Variants in CNBD1 observed in about 807,000 individuals in gnomAD.
The protein encoded by CNBD1 is cyclic nucleotide-binding domain-containing protein 1.
In CNBD1, 71 loss-of-function variants were observed where a neutral mutation model predicts 54.4. That is an observed-to-expected ratio of 1.30 (90% CI 1.08 to 1.59). The LOEUF (loss-of-function observed/expected upper bound fraction) is 1.59. CNBD1 is among the 40% of genes most tolerant of loss of function. CNBD1 has a pLI of 0.00. For missense variants in CNBD1, 659 were observed against 518.0 expected, an observed-to-expected ratio of 1.27 and a Z score of -2.64; for synonymous variants, 182 against 170.7, an observed-to-expected ratio of 1.07 and a Z score of -0.51.
intron 4 of CNBD1, among the ~76,000 whole-genome samples, chr8:87,050,120 C>G (rs1262439076): frequency 1.3e-5 from 2 of 152,088 alleles, no homozygotes; most frequent in Non-Finnish European, 2.9e-5. Flanking sequence ...GTTTTAGCAC[C>G]TGAGTGTCTT....
In CNBD1 at chr8:87,274,783, A is replaced by G. The variant is rs1485710817; in HGVS notation, c.772-9895A>G. On this transcript the variant is annotated intron_variant, in intron 6 of 10. Transcript: ENST00000518476. ...AAGCTCTTTAGTTTAATTAGATCCC[A>G]TTTGTCAATTTTGGCTTTTGTTGCC... Among the ~76,000 whole-genome samples the G allele has an allele frequency of 4.5e-5, 6 of 134,202 alleles. 2 individuals are homozygous for G. The highest frequency in any genetic ancestry group is 6.1e-5 in the African/African-American group (2 of 32,944). The allele number at this position is 134,202 out of a possible 152,430, so 88.0% of individuals were successfully genotyped here.
chr8:87,314,384 G>A (rs1809337095), intron 8 of CNBD1, among the ~76,000 whole-genome samples: 2 of 151,440 alleles, frequency 1.3e-5, no homozygotes, highest in Admixed American at 1.3e-4. Context: ...TTATCTTTAT[G>A]GCAGCTAAAA....
At chr8:87,285,662 A>G (rs11784656) in intron 7 of CNBD1, among the ~76,000 whole-genome samples, 42,570 of 151,734 alleles carry the variant, frequency 0.28, 6,366 homozygotes, top group African/African-American at 0.39. Context: ...GCTGAGGTCG[A>G]GAGTTCGAGA....
In CNBD1 at chr8:87,191,425, A is replaced by G. The variant is rs181119245; in HGVS notation, c.432-14568A>G. Among the ~76,000 whole-genome samples the G allele has an allele frequency of 3.0e-3, 460 of 152,218 alleles. 5 individuals are homozygous for G. Among genetic ancestry groups the G allele is most frequent in the African/African-American group, 9.7e-3 (402 of 41,530 alleles). On this transcript the variant is annotated intron_variant, in intron 4 of 10. Transcript: ENST00000518476. ...TGGGTCTTCCTCTCCCATTCCACCA[A>G]CTCAAATGTCAGTCTTCTCTGGTAA...
intron 4 of CNBD1, among the ~76,000 whole-genome samples, chr8:87,021,844 T>C (rs1462651844): frequency 6.6e-6 from 1 of 152,182 alleles, no homozygotes; most frequent in Non-Finnish European, 1.5e-5. Context: ...CTCAAATTAG[T>C]AGGCATTATG....
chr8:87,226,774 A>T (rs1814508386), intron 5 of CNBD1, among the ~76,000 whole-genome samples: 1 of 151,618 alleles, frequency 6.6e-6, no homozygotes, highest in South Asian at 2.1e-4. Context: ...TGCAGAGCTG[A>T]GTTCAATTCC....
At chr8:86,902,912 G>T (rs534547956) in intron 2 of CNBD1, among the ~76,000 whole-genome samples, 2 of 152,086 alleles carry the variant, frequency 1.3e-5, no homozygotes, top group East Asian at 3.9e-4. Context: ...TTTATTTACA[G>T]ATTTCACATG....
At chr8:87,056,749 G>T (rs1810424539) in intron 4 of CNBD1, among the ~76,000 whole-genome samples, 1 of 152,022 alleles carries the variant, frequency 6.6e-6, no homozygotes, top group South Asian at 2.1e-4. Context: ...TAATTAGAAA[G>T]ATTATATATT....
intron 4 of CNBD1, among the ~76,000 whole-genome samples, chr8:87,161,098 A>T (rs921193196): frequency 2.0e-5 from 3 of 152,098 alleles, no homozygotes; most frequent in African/African-American, 7.2e-5. Flanking sequence ...GAGGGAGCCA[A>T]TTCTTCATGA....
chr8:87,185,184 G>A (rs1421318536), intron 4 of CNBD1, among the ~76,000 whole-genome samples: 1 of 152,044 alleles, frequency 6.6e-6, no homozygotes, highest in Non-Finnish European at 1.5e-5. Flanking sequence ...TGTATATTCT[G>A]CTCTTTTTTG....
chr8:87,370,164 T>C (rs1245008404), intron 10 of CNBD1, among the ~76,000 whole-genome samples: 2 of 151,830 alleles, frequency 1.3e-5, no homozygotes, highest in Admixed American at 6.6e-5. Flanking sequence ...TCTTTGCTAT[T>C]GTGAATAGTG....
chr8:87,092,501 ATATG>A (rs1280116015), intron 4 of CNBD1, among the ~76,000 whole-genome samples: 6 of 144,768 alleles, frequency 4.1e-5, no homozygotes, highest in African/African-American at 1.1e-4. Flanking sequence ...GTGTGTATAT[ATATG>A]TGTGTGTGTG....
intron 8 of CNBD1, among the ~76,000 whole-genome samples, chr8:87,303,658 C>T (rs1809072811): frequency 6.6e-6 from 1 of 150,994 alleles, no homozygotes; most frequent in South Asian, 2.1e-4. Flanking sequence ...AACTAAAGAG[C>T]TTCTGCACAG....
At chr8:87,153,853 G>A (rs919437945) in intron 4 of CNBD1, among the ~76,000 whole-genome samples, 14 of 152,128 alleles carry the variant, frequency 9.2e-5, no homozygotes, top group Non-Finnish European at 1.5e-4. Context: ...TTGGGAGACC[G>A]TAGAACAAAA....
chr8:87,336,975 T>G (rs1387878476), intron 8 of CNBD1, among the ~76,000 whole-genome samples: 2 of 152,162 alleles, frequency 1.3e-5, no homozygotes, highest in Non-Finnish European at 2.9e-5. Context: ...TGCTGCGGTT[T>G]GCTGGGGGTT....
At chr8:87,358,784 G>A (rs370977644) in intron 10 of CNBD1, among the ~76,000 whole-genome samples, 26 of 152,144 alleles carry the variant, frequency 1.7e-4, no homozygotes, top group African/African-American at 5.8e-4. Flanking sequence ...GAAAACTGGA[G>A]AGGGCAGACA....
intron 8 of CNBD1, among the ~76,000 whole-genome samples, chr8:87,348,809 A>C (rs1407525000): frequency 3.3e-5 from 5 of 152,196 alleles, no homozygotes; most frequent in African/African-American, 1.2e-4. Context: ...CTTAATTTAG[A>C]ATTAGAATAA....
intron 4 of CNBD1, among the ~76,000 whole-genome samples, chr8:87,012,152 A>G (rs58073671): frequency 0.032 from 4,872 of 152,272 alleles, 244 homozygotes; most frequent in African/African-American, 0.11. Context: ...CTTCTTTAAG[A>G]GCCGATAAAT....
At chr8:87,104,413 G>T (rs909139918) in intron 4 of CNBD1, among the ~76,000 whole-genome samples, 1 of 152,228 alleles carries the variant, frequency 6.6e-6, no homozygotes, top group African/African-American at 2.4e-5. Context: ...GACATGCATA[G>T]ATAGTCTACT....
Sources: allele counts gnomAD v4.1 joint callset (sites outside exome capture counted in the v4.1 genomes callset), GRCh38; gene constraint gnomAD v4.1.1; transcripts MANE v1.5; gene names NCBI Gene and HGNC (gene_info 2026-07-23, HGNC 2026-07-21).